Variants in LRRK1 observed in about 807,000 individuals in gnomAD.
The protein encoded by LRRK1 is leucine rich repeat kinase 1.
Under a neutral mutation model 209.1 loss-of-function variants are expected in LRRK1, and 113 were observed. The ratio of observed to expected loss-of-function variants is 0.54; its 90% CI spans 0.46 to 0.63. The LOEUF (loss-of-function observed/expected upper bound fraction) is 0.63. Ranked by LOEUF, LRRK1 falls within the 30% of genes least tolerant of loss-of-function variation. The probability of loss-of-function intolerance (pLI) is 0.00; values close to 1 mark genes in which losing one functional copy is unlikely to be tolerated. For missense variants in LRRK1, 2,284 were observed against 2,632.2 expected (o/e 0.87, Z 2.89); for synonymous variants, 1,144 against 1,099.7 (o/e 1.04, Z -0.80).
At chr15:100,989,162 T>C in intron 5 of LRRK1, 88 bp from the exon 6 acceptor site, 1 of 1,155,986 alleles carries the variant, frequency 8.7e-7, no homozygotes. Context: ...ACCTTTTCAG[T>C]TTCCATTCCA....
intron 6 of LRRK1, among the ~76,000 whole-genome samples, chr15:101,008,531 G>A (rs367820094): frequency 3.9e-5 from 6 of 152,288 alleles, no homozygotes; most frequent in African/African-American, 1.4e-4. Context: ...TCTTCCCTGT[G>A]AGCCGCCTCT....
intron 2 of LRRK1, among the ~76,000 whole-genome samples, chr15:100,956,466 T>C (rs375625590): frequency 5.0e-4 from 3 of 5,956 alleles, no homozygotes; most frequent in African/African-American, 1.4e-3. Context: ...TTTTTTTTTT[T>C]TTTTTTTGAG....
chr15:100,933,035 T>A (rs1371919367), intron 2 of LRRK1, among the ~76,000 whole-genome samples: 1 of 152,156 alleles, frequency 6.6e-6, no homozygotes, highest in Non-Finnish European at 1.5e-5. Flanking sequence ...GACTCTTACT[T>A]TGCACCTTTA....
chr15:100,945,374 G>A (rs1036120026), intron 2 of LRRK1, among the ~76,000 whole-genome samples: 5 of 151,406 alleles, frequency 3.3e-5, no homozygotes, highest in African/African-American at 1.2e-4. Flanking sequence ...TGGTACCTCA[G>A]CCTAGTTAGA....
At chr15:101,040,048 A>G (rs994927557) in intron 20 of LRRK1, among the ~76,000 whole-genome samples, 1 of 152,164 alleles carries the variant, frequency 6.6e-6, no homozygotes, top group Non-Finnish European at 1.5e-5. Context: ...AAAAGTCTTT[A>G]TGGGTTATCA....
At chr15:101,028,460 A>G (rs1232667752) in intron 19 of LRRK1, among the ~76,000 whole-genome samples, 1 of 152,244 alleles carries the variant, frequency 6.6e-6, no homozygotes, top group African/African-American at 2.4e-5. Flanking sequence ...CATTTTGAAC[A>G]GTGAAAGCGT....
chr15:101,066,946 T>C (rs2036564011), intron 33 of LRRK1, among the ~76,000 whole-genome samples: 1 of 152,232 alleles, frequency 6.6e-6, no homozygotes, highest in Non-Finnish European at 1.5e-5. Context: ...GCTGCCTGTT[T>C]CTGGAGTACC....
At chr15:100,957,900 C>T (rs2042797017) in intron 2 of LRRK1, among the ~76,000 whole-genome samples, 1 of 152,234 alleles carries the variant, frequency 6.6e-6, no homozygotes, top group African/African-American at 2.4e-5. Context: ...GAGTCTCACT[C>T]TGTCACCCTG....
At chr15:100,935,897 C>T (rs755236799) in intron 2 of LRRK1, among the ~76,000 whole-genome samples, 2 of 152,308 alleles carry the variant, frequency 1.3e-5, no homozygotes, top group African/African-American at 4.8e-5. Flanking sequence ...TCTCATCCAC[C>T]GCATGTCTAG....
intron 6 of LRRK1, among the ~76,000 whole-genome samples, chr15:101,000,039 A>T (rs2032613695): frequency 6.6e-6 from 1 of 152,228 alleles, no homozygotes; most frequent in African/African-American, 2.4e-5. Context: ...TTTAACAGAC[A>T]TGCTATTGTC....
chr15:100,955,458 ACTT>A (rs1425808547), intron 2 of LRRK1, among the ~76,000 whole-genome samples: 2 of 152,076 alleles, frequency 1.3e-5, no homozygotes, highest in Non-Finnish European at 2.9e-5. Context: ...AGACCAATTG[ACTT>A]CTTCTTTTCT....
intron 2 of LRRK1, among the ~76,000 whole-genome samples, chr15:100,967,877 C>G (rs1197842833): frequency 6.6e-6 from 1 of 152,114 alleles, no homozygotes; most frequent in African/African-American, 2.4e-5. Flanking sequence ...GACTAAGGTT[C>G]AATATTGTTT....
In LRRK1 at chr15:100,983,542, C is replaced by T. The variant is rs2031714234; in HGVS notation, c.276C>T (p.Ser92=). 4 of 1,599,474 alleles carry T rather than the reference C, an allele frequency of 2.5e-6. No individual in the cohort carries two copies. The highest frequency in any genetic ancestry group is 2.6e-6 in the Non-Finnish European group (3 of 1,171,992). The stretch of plus-strand genomic sequence containing the variant: ...GTTTTGACCAGGGCCAGCTTCTGAG[C>T]ATCCCGGCAGCCTATGGGGATCTGG... ...ASQLEKGQLL[S]IPAAYGDLEM... Residue 92 remains serine (S), a synonymous_variant, in exon 4 of 34, where the codon AGC becomes AGT. Transcript: ENST00000388948.
At chr15:101,038,385 T>C (rs2034584320) in intron 20 of LRRK1, among the ~76,000 whole-genome samples, 1 of 152,132 alleles carries the variant, frequency 6.6e-6, no homozygotes, top group African/African-American at 2.4e-5. Flanking sequence ...AATTAAAATA[T>C]AAATAAATTG....
chr15:101,000,906 C>T (rs1383264808), intron 6 of LRRK1, among the ~76,000 whole-genome samples: 2 of 152,208 alleles, frequency 1.3e-5, no homozygotes, highest in Admixed American at 1.3e-4. Context: ...GCTGCCTTCA[C>T]TTCATTGCCC....
intron 2 of LRRK1, among the ~76,000 whole-genome samples, chr15:100,951,465 A>C (rs2042650642): frequency 1.3e-5 from 2 of 152,224 alleles, no homozygotes; most frequent in South Asian, 4.1e-4. Flanking sequence ...AACTGAGGGC[A>C]GATATTCACA....
At chr15:101,050,464 T>G (rs1408287670) in intron 23 of LRRK1, among the ~76,000 whole-genome samples, 1 of 151,470 alleles carries the variant, frequency 6.6e-6, no homozygotes, top group Non-Finnish European at 1.5e-5. Flanking sequence ...GGGGCTGCCC[T>G]GAGAGCTTCA....
chr15:101,022,083 A>G lies in LRRK1; in HGVS notation c.1852+126A>G, dbSNP rs74040246. On this transcript the variant is annotated intron_variant, in intron 14 of 33. Coordinates refer to ENST00000388948, the MANE Select transcript of LRRK1 (RefSeq NM_024652.6). This position sits in a 1 kb window ranked among gnomAD's most constrained non-coding sequence, Gnocchi z 4.0. ...AGCCCAGCTCCAGGTTCCAGATTTGACAAGATGCTATAAAATTGTCCCTAA... is the reference window on the plus strand; with the variant it reads ...AGCCCAGCTCCAGGTTCCAGATTTGGCAAGATGCTATAAAATTGTCCCTAA... 17,658 of 683,910 alleles carry G rather than the reference A, an allele frequency of 0.026. 2,140 individuals are homozygous for G. In the African/African-American group the frequency reaches 0.27, roughly 10 times the overall value. 42.4% of individuals were successfully genotyped at this position (683,910 alleles called of 1,614,324 possible). A position where few individuals can be genotyped will look rare whatever the true frequency, so the allele number is the denominator to read the frequency against.
chr15:101,021,661 C>T (rs1033968771), intron 13 of LRRK1, 184 bp from the exon 14 acceptor site: 27 of 568,008 alleles, frequency 4.8e-5, no homozygotes, highest in African/African-American at 4.2e-4. Flanking sequence ...ACAGAGCTGC[C>T]GTTTCTATCA....
Sources: allele counts gnomAD v4.1 joint callset (sites outside exome capture counted in the v4.1 genomes callset), GRCh38; gene constraint gnomAD v4.1.1; non-coding constraint Gnocchi (gnomAD v3.1); transcripts MANE v1.5; gene names NCBI Gene and HGNC (gene_info 2026-07-23, HGNC 2026-07-21).